Variants in NAALADL2 observed in about 807,000 individuals in gnomAD.
NAALADL2 encodes the protein inactive N-acetylated-alpha-linked acidic dipeptidase-like protein 2.
In NAALADL2, 76 loss-of-function variants were observed where a neutral mutation model predicts 87.2. The ratio of observed to expected loss-of-function variants is 0.87; its 90% confidence interval spans 0.72 to 1.05. NAALADL2 has a LOEUF of 1.05. Among genes scored for constraint, NAALADL2 ranks in the 50% least tolerant of loss-of-function variants. The pLI, the probability that NAALADL2 is intolerant of heterozygous loss-of-function variation, is 0.00. For synonymous variants in NAALADL2, 354 were observed against 331.0 expected (o/e 1.07, Z -0.75); for missense variants, 1,089 against 945.8 (o/e 1.15, Z -1.99).
At chr3:175,032,505 AC>A (rs1426316919) in intron 1 of NAALADL2, among the ~76,000 whole-genome samples, 1 of 152,048 alleles carries the variant, frequency 6.6e-6, no homozygotes, top group Non-Finnish European at 1.5e-5. Context: ...GTGTCAATAC[AC>A]AAGCATTACC....
At chr3:175,256,938 T>C (rs1441541670) in intron 4 of NAALADL2, 1 of 152,616 alleles carries the variant, frequency 6.6e-6, no homozygotes, top group African/African-American at 2.4e-5. Flanking sequence ...ATGTTCTCTA[T>C]GTTAGACAAG....
At position 175,808,931 on chromosome 3, in the gene NAALADL2, C is replaced by T. The variant is rs1480377599; in HGVS notation, c.*5728C>T. ...TTAATTATCTAGCCTGCTCAGTAATCATAACTCTCCAACTTCTTCAAAGGG... is the reference window on the plus strand; with the variant it reads ...TTAATTATCTAGCCTGCTCAGTAATTATAACTCTCCAACTTCTTCAAAGGG... On this transcript the variant is annotated 3_prime_UTR_variant, in exon 14 of 14. Transcript: ENST00000454872. The T allele has an allele frequency of 2.6e-5, 4 of 151,920 alleles. No individual in the cohort carries two copies. Among genetic ancestry groups the T allele is most frequent in the Non-Finnish European group, 4.4e-5 (3 of 67,934 alleles). The allele number at this position is 151,920 out of a possible 1,614,324, so 9.4% of individuals were successfully genotyped here.
chr3:174,716,036 T>G (rs974708617), intron 2 of NAALADL2, among the ~76,000 whole-genome samples: 10 of 152,182 alleles, frequency 6.6e-5, no homozygotes, highest in African/African-American at 2.4e-4. Context: ...TTTCAATAGT[T>G]TACCAGTTTT....
intron 1 of NAALADL2, among the ~76,000 whole-genome samples, chr3:174,546,327 G>A (rs2108479857): frequency 6.6e-6 from 1 of 152,150 alleles, no homozygotes; most frequent in Admixed American, 6.5e-5. Context: ...GAGATATTCT[G>A]GTTCAGCCTT....
chr3:175,636,237 A>C (rs985072626), intron 11 of NAALADL2, among the ~76,000 whole-genome samples: 1 of 151,960 alleles, frequency 6.6e-6, no homozygotes, highest in Non-Finnish European at 1.5e-5. Flanking sequence ...CTCTTGGTAG[A>C]CCTCTGCACA....
chr3:175,204,931 A>G (rs1437744017), intron 2 of NAALADL2, among the ~76,000 whole-genome samples: 1 of 152,110 alleles, frequency 6.6e-6, no homozygotes, highest in Non-Finnish European at 1.5e-5. Context: ...GAAAACTACA[A>G]AACACTGCTG....
chr3:175,303,965 T>C (rs188146431), intron 4 of NAALADL2, among the ~76,000 whole-genome samples: 4 of 152,076 alleles, frequency 2.6e-5, no homozygotes, highest in Admixed American at 2.6e-4. Flanking sequence ...TTTGTAAAAT[T>C]ATGTTAGCAG....
At chr3:175,371,111 A>G (rs61999347) in intron 5 of NAALADL2, among the ~76,000 whole-genome samples, 338 of 152,330 alleles carry the variant, frequency 2.2e-3, no homozygotes, top group African/African-American at 7.7e-3. Context: ...AATATTACCA[A>G]AATTTCAAAT....
intron 2 of NAALADL2, among the ~76,000 whole-genome samples, chr3:174,709,258 T>G (rs1041875426): frequency 6.6e-6 from 1 of 152,128 alleles, no homozygotes; most frequent in Non-Finnish European, 1.5e-5. Context: ...AGTTGGTAGT[T>G]GAATATGGCT....
chr3:175,487,264 C>T (rs1727416211), intron 9 of NAALADL2, among the ~76,000 whole-genome samples: 1 of 152,132 alleles, frequency 6.6e-6, no homozygotes, highest in African/African-American at 2.4e-5. Context: ...AAATCCCTTA[C>T]CCTGTACTAT....
At chr3:175,482,231 T>G (rs888404680) in intron 9 of NAALADL2, among the ~76,000 whole-genome samples, 3 of 151,994 alleles carry the variant, frequency 2.0e-5, no homozygotes, top group African/African-American at 7.2e-5. Flanking sequence ...AATTTTATAT[T>G]CAGTGAATTC....
At chr3:175,787,059 G>T (rs965506912) in intron 13 of NAALADL2, among the ~76,000 whole-genome samples, 4 of 151,970 alleles carry the variant, frequency 2.6e-5, no homozygotes, top group African/African-American at 9.7e-5. Flanking sequence ...TGAGGAGGCA[G>T]TCTGCCTGTT....
intron 3 of NAALADL2, among the ~76,000 whole-genome samples, chr3:174,853,766 G>A (rs925312596): frequency 3.9e-5 from 6 of 152,092 alleles, no homozygotes; most frequent in African/African-American, 1.4e-4. Context: ...TGGCCAATAG[G>A]TATATGAAAA....
intron 11 of NAALADL2, among the ~76,000 whole-genome samples, chr3:175,635,209 C>T (rs1452817098): frequency 3.3e-5 from 5 of 151,950 alleles, no homozygotes; most frequent in Non-Finnish European, 5.9e-5. Context: ...ACGCCTTATA[C>T]TATCAGTTTC....
At chr3:174,990,937 T>C (rs1398373847) in intron 1 of NAALADL2, among the ~76,000 whole-genome samples, 1 of 152,140 alleles carries the variant, frequency 6.6e-6, no homozygotes, top group Non-Finnish European at 1.5e-5. Context: ...ATTGCCTTGT[T>C]AGAGCCATTA....
chr3:175,723,545 C>T (rs1180153211), intron 11 of NAALADL2, among the ~76,000 whole-genome samples: 1 of 152,070 alleles, frequency 6.6e-6, no homozygotes, highest in Non-Finnish European at 1.5e-5. Context: ...CTTCACTTGT[C>T]CAGATCAGGC....
At chr3:174,751,649 C>T (rs1416645921) in intron 3 of NAALADL2, among the ~76,000 whole-genome samples, 3 of 120,536 alleles carry the variant, frequency 2.5e-5, no homozygotes, top group African/African-American at 3.3e-5. Flanking sequence ...GCTGACAGAG[C>T]GAGACTTTGT....
intron 4 of NAALADL2, among the ~76,000 whole-genome samples, chr3:175,303,629 A>T (rs1757347016): frequency 6.6e-6 from 1 of 152,140 alleles, no homozygotes; most frequent in African/African-American, 2.4e-5. Flanking sequence ...ATTTCCCTTA[A>T]ACTACCGCAC....
intron 4 of NAALADL2, among the ~76,000 whole-genome samples, chr3:175,296,230 G>A (rs10936838): frequency 0.18 from 27,512 of 152,018 alleles, 2,716 homozygotes; most frequent in African/African-American, 0.25. Flanking sequence ...TGCTACATGT[G>A]TTAAAGTAAA....
Sources: gnomAD v4.1 joint callset for allele counts (sites outside exome capture counted in the v4.1 genomes callset) on GRCh38, gnomAD v4.1.1 for gene constraint, MANE v1.5 for transcripts, NCBI Gene and HGNC (gene_info 2026-07-23, HGNC 2026-07-21) for gene names.